The following LAMB1 variants were observed in gnomAD, a reference collection of about 807,000 sequenced individuals.
LAMB1 encodes the protein laminin subunit beta 1.
Under a neutral mutation model 222.3 loss-of-function variants are expected in LAMB1, and 121 were observed. That is an observed-to-expected ratio of 0.54 (90% confidence interval 0.47 to 0.63). LAMB1 has a LOEUF of 0.63. LAMB1 is among the 30% of genes least tolerant of loss of function. The pLI, the probability that LAMB1 is intolerant of heterozygous loss-of-function variation, is 0.00. For missense variants in LAMB1, 2,172 were observed against 2,240.8 expected (o/e 0.97, Z 0.62); for synonymous variants, 794 against 807.2 (o/e 0.98, Z 0.28).
chr7:107,953,690 A>G lies in LAMB1; in HGVS notation c.2919T>C (p.Cys973=). ...FGNPSEVGGS[C]QPCQCHNNID... ...TGTTGTTGTGACACTGGCAAGGCTG[A>G]CACGACCCCCCAACTTCTGATGGAT... Residue 973 remains cysteine, a synonymous_variant, in exon 22 of 34, where the codon TGT becomes TGC. Coordinates refer to ENST00000222399, the MANE Select transcript of LAMB1 (RefSeq NM_002291.3). The G allele has an allele frequency of 1.7e-5, 28 of 1,614,138 alleles. No individual in the cohort carries two copies. Among genetic ancestry groups the G allele is most frequent in the Non-Finnish European group, 2.4e-5 (28 of 1,180,030 alleles).
At chr7:107,961,452 T>G (rs2033498640) in intron 16 of LAMB1, 97 bp downstream of exon 16, 2 of 1,575,988 alleles carry the variant, frequency 1.3e-6, no homozygotes, top group African/African-American at 2.7e-5. Flanking sequence ...AGTCAACGTC[T>G]GGCTCTGAAA....
chr7:108,000,405 CACAAT>C (rs973838697), intron 3 of LAMB1, among the ~76,000 whole-genome samples: 89 of 152,196 alleles, frequency 5.8e-4, no homozygotes, highest in African/African-American at 2.0e-3. Context: ...GCAAACCACA[CACAAT>C]ACTCTGTCCT....
intron 5 of LAMB1, among the ~76,000 whole-genome samples, chr7:107,987,694 G>A (rs2150447573): frequency 6.6e-6 from 1 of 152,276 alleles, no homozygotes. Flanking sequence ...TAGAGATGGG[G>A]TTTCACCATG....
Position 107,955,548 on chromosome 7 carries a change from T to C in LAMB1, c.2773A>G (p.Ser925Gly), listed in dbSNP as rs1213594313. 5 of 1,614,028 alleles carry C rather than the reference T, an allele frequency of 3.1e-6. No homozygotes were observed. The African/African-American group carries it at 5.3e-5, about 17-fold the overall frequency. Reference protein sequence around the residue: ...RPCPCPDGPDSGRQFARSCYQ... With the variant: ...RPCPCPDGPDGGRQFARSCYQ... ...CAGCTCCTGGCAAACTGGCGTCCAC[T>C]GTCGGGACCATCTGGGCAAGGGCAA... is the stretch of plus-strand genomic sequence containing the variant. Residue 925 changes from serine (S) to glycine (G), a missense_variant, in exon 21 of 34, where the codon AGT (serine) becomes GGT (glycine). Physicochemically the swap from Ser to Gly is moderately conservative, Grantham distance 56. Transcript: ENST00000222399.
intron 12 of LAMB1, among the ~76,000 whole-genome samples, chr7:107,973,583 A>G (rs1390636222): frequency 6.6e-6 from 1 of 152,208 alleles, no homozygotes; most frequent in Non-Finnish European, 1.5e-5. Context: ...GAGAAATGGA[A>G]CAGTAGGGAA....
rs185758023 is a variant in LAMB1, at chr7:107,954,557, G to A, written c.2855-803C>T. On this transcript the variant is annotated intron_variant, in intron 21 of 33. Coordinates refer to ENST00000222399, the MANE Select transcript of LAMB1 (RefSeq NM_002291.3). ...TGGGAGGCCGAGGTGGGTGGATCAC[G>A]AAGTCAGGAGATCGAGACCATCCTG... 3.2e-3 allele frequency among the ~76,000 whole-genome samples: 492 copies of A among 152,166 alleles called. 4 individuals are homozygous for A. The highest frequency in any genetic ancestry group is 0.011 in the African/African-American group (463 of 41,534).
At chr7:107,937,036 C>T (rs745651547) in intron 26 of LAMB1, 57 bp downstream of exon 26, 31 of 1,428,664 alleles carry the variant, frequency 2.2e-5, no homozygotes, top group African/African-American at 7.2e-5. Context: ...TATATTAAAA[C>T]GTTAGACATA....
intron 27 of LAMB1, 112 bp downstream of exon 27, chr7:107,935,303 T>C: frequency 6.7e-7 from 1 of 1,484,066 alleles, no homozygotes; most frequent in Non-Finnish European, 9.0e-7. Flanking sequence ...CTGATTCATT[T>C]GCAAATTATT....
At position 107,992,269 on chromosome 7, in the gene LAMB1, AC is replaced by A. The variant is rs544889459; in HGVS notation, c.423+2617del. 6.6e-3 allele frequency among the ~76,000 whole-genome samples: 995 copies of A among 151,716 alleles called. 5 individuals are homozygous for A. Among genetic ancestry groups the A allele is most frequent in the Non-Finnish European group, 9.5e-3 (643 of 67,928 alleles). On this transcript the variant is annotated intron_variant, in intron 5 of 33. Coordinates refer to ENST00000222399, the MANE Select transcript of LAMB1 (RefSeq NM_002291.3). Reference sequence around the variant, plus strand: ...TTTATTCCAGGCTAAAATTAATCTCACCCTCCTCCAGGCTAACAAAGATTGT... The same window carrying A: ...TTTATTCCAGGCTAAAATTAATCTCACCTCCTCCAGGCTAACAAAGATTGT...
chr7:107,984,747 A>AT (rs2034041596), intron 7 of LAMB1, among the ~76,000 whole-genome samples: 1 of 152,180 alleles, frequency 6.6e-6, no homozygotes, highest in Non-Finnish European at 1.5e-5. Flanking sequence ...ATAAACAACT[A>AT]TTTTTTAGGA....
At chr7:107,985,981 A>G (rs1276982254) in intron 7 of LAMB1, 41 bp downstream of exon 7, 1 of 1,469,306 alleles carries the variant, frequency 6.8e-7, no homozygotes, top group Non-Finnish European at 9.5e-7. Flanking sequence ...AAACAAACAA[A>G]CAAACTAACA....
chr7:107,986,803 A>G (rs1292730236), intron 5 of LAMB1, among the ~76,000 whole-genome samples: 2 of 152,238 alleles, frequency 1.3e-5, no homozygotes, highest in Admixed American at 6.5e-5. Context: ...ACACAGTCCA[A>G]TGAGGTGCAG....
chr7:107,961,864 A>C (rs1487685099), intron 15 of LAMB1, among the ~76,000 whole-genome samples, 188 bp from the exon 16 acceptor site: 1 of 152,144 alleles, frequency 6.6e-6, no homozygotes, highest in Non-Finnish European at 1.5e-5. Flanking sequence ...TGGATGCTGA[A>C]ACACCTCTCA....
chr7:107,967,676 C>A (rs557993585), intron 13 of LAMB1, among the ~76,000 whole-genome samples: 37 of 152,184 alleles, frequency 2.4e-4, no homozygotes, highest in African/African-American at 8.7e-4. Flanking sequence ...ACATTTTAGT[C>A]CATTGTGAAC....
rs1165812042 is a variant in LAMB1 at position 107,953,520 on chromosome 7, T to C, written c.3079+10A>G. 6.3e-7 allele frequency: 1 copy of C among 1,581,796 alleles called. No individual in the cohort carries two copies. Among genetic ancestry groups the C allele is most frequent in the African/African-American group, 1.3e-5 (1 of 74,366 alleles). ...TTCTAAGAAGTGGGCAGAATAAATG[T>C]GCATCTTACTTCGACAGTCCTGCTG... On this transcript the variant is annotated intron_variant, in intron 22 of 33. Transcript: ENST00000222399.
chr7:107,947,842 T>C (rs540949973), intron 24 of LAMB1, among the ~76,000 whole-genome samples: 3 of 152,272 alleles, frequency 2.0e-5, no homozygotes, highest in South Asian at 2.1e-4. Flanking sequence ...GACCCCATTA[T>C]GGTGATGACC....
chr7:107,973,362 C>T (rs1015885484), intron 12 of LAMB1, among the ~76,000 whole-genome samples: 1 of 152,152 alleles, frequency 6.6e-6, no homozygotes, highest in Non-Finnish European at 1.5e-5. Flanking sequence ...AGTAAAGATA[C>T]CAATTTTCCT....
chr7:107,945,195 T>G (rs1233689000), intron 24 of LAMB1, among the ~76,000 whole-genome samples: 1 of 152,226 alleles, frequency 6.6e-6, no homozygotes, highest in Non-Finnish European at 1.5e-5. Flanking sequence ...TTACTAAGTT[T>G]TCTTATCATT....
At chr7:107,931,569 A>G in intron 28 of LAMB1, 69 bp from the exon 29 acceptor site, 1 of 1,405,442 alleles carries the variant, frequency 7.1e-7, no homozygotes, top group Non-Finnish European at 9.8e-7. Context: ...AATATTGGAA[A>G]TGGCTCAAAA....
Sources: gnomAD v4.1 joint callset for allele counts (sites outside exome capture counted in the v4.1 genomes callset) on GRCh38, gnomAD v4.1.1 for gene constraint, MANE v1.5 for transcripts, NCBI Gene and HGNC (gene_info 2026-07-23, HGNC 2026-07-21) for gene names.